Variants in HOXA4 observed in about 807,000 individuals in gnomAD.
HOXA4 encodes the protein homeobox A4.
A neutral mutation model predicts 25.3 loss-of-function variants in HOXA4; 31 were observed. The observed-to-expected ratio is 1.22, with a 90% CI of 0.92 to 1.65. HOXA4 has a LOEUF of 1.65. HOXA4 is among the 40% of genes most tolerant of loss of function. The probability of loss-of-function intolerance (pLI) is 0.00; values close to 1 mark genes in which losing one functional copy is unlikely to be tolerated. For synonymous variants in HOXA4, 225 were observed against 207.7 expected, an observed-to-expected ratio of 1.08 and a Z score of -0.72; for missense variants, 459 against 446.0, an observed-to-expected ratio of 1.03 and a Z score of -0.26.
At position 27,129,509 on chromosome 7, in the gene HOXA4, C is replaced by G. The variant is rs1210308049; in HGVS notation, c.679G>C (p.Val227Leu). Reference sequence around the variant, plus strand: ...TGGAACTCCTTCTCCAGCTCCAAGACCTGCTGCCGGGTGTAGGCGGTTCGA... The same window carrying G: ...TGGAACTCCTTCTCCAGCTCCAAGAGCTGCTGCCGGGTGTAGGCGGTTCGA... Reference protein sequence around the residue: ...RSRTAYTRQQVLELEKEFHFN... With the variant: ...RSRTAYTRQQLLELEKEFHFN... The change falls in exon 2 of 2, where the codon GTC becomes CTC. Residue 227 changes from valine to leucine, a missense_variant. Val to Leu is a conservative substitution (Grantham distance 32). Transcript: ENST00000360046. 6.2e-7 allele frequency: 1 copy of G among 1,614,016 alleles called. No individual in the cohort carries two copies. The highest frequency in any genetic ancestry group is 8.5e-7 in the Non-Finnish European group (1 of 1,180,020).
chr7:27,129,298 G>C lies in HOXA4; in HGVS notation c.890C>G (p.Ala297Gly), dbSNP rs1483746113. 2 of 1,614,028 alleles carry C rather than the reference G, an allele frequency of 1.2e-6. No individual in the cohort carries two copies. The highest frequency in any genetic ancestry group is 1.7e-6 in the Non-Finnish European group (2 of 1,180,030). ...ATGGAGGTGTGGGCTCTGAGTTTGT[G>C]CTTTCCCTGGTGGGCCGGCAGAGGC... Reference protein sequence around the residue: ...ASASAGPPGKAQTQSPHLHPH... With the variant: ...ASASAGPPGKGQTQSPHLHPH... The change falls in exon 2 of 2, where the codon GCA (alanine) becomes GGA (glycine). Residue 297 changes from alanine (A) to glycine (G), a missense_variant. Transcript: ENST00000360046.
At position 27,128,968 on chromosome 7, in the gene HOXA4, T is replaced by G. The variant is rs1303734105; in HGVS notation, c.*257A>C. On this transcript the variant is annotated 3_prime_UTR_variant, in exon 2 of 2. Transcript: ENST00000360046. The stretch of plus-strand genomic sequence containing the variant: ...GATACCAAGTAGTCCTTCTCAGGTA[T>G]CCACACCTGGCAGCCTTGTTTCGGG... 1 of 557,636 alleles carries G rather than the reference T, an allele frequency of 1.8e-6. No homozygotes were observed. Among genetic ancestry groups the G allele is most frequent in the East Asian group, 3.1e-5 (1 of 32,622 alleles). The allele number at this position is 557,636 out of a possible 1,614,324, so 34.5% of individuals were successfully genotyped here.
rs1465049093 is a variant in HOXA4, at chr7:27,129,689, A to G, written c.617-118T>C. 4.6e-6 allele frequency: 5 copies of G among 1,098,420 alleles called. No individual in the cohort carries two copies. The Admixed American group carries it at 1.0e-4, about 22-fold the overall frequency. 68.0% of individuals were successfully genotyped at this position (1,098,420 alleles called of 1,614,324 possible). Reference sequence around the variant, plus strand: ...CAATTGGACATCATCATTATATAATAACCTGACACCAAGTTCACGCAAGAT... The same window carrying G: ...CAATTGGACATCATCATTATATAATGACCTGACACCAAGTTCACGCAAGAT... On this transcript the variant is annotated intron_variant, in intron 1 of 1. Transcript: ENST00000360046.
At position 27,130,619 on chromosome 7, in the gene HOXA4, C is replaced by G. The variant is rs781430639; in HGVS notation, c.115G>C (p.Gly39Arg). Residue 39 changes from glycine (G) to arginine (R), a missense_variant, in exon 1 of 2, where the codon GGC becomes CGC. Gly to Arg is a moderately radical substitution (Grantham distance 125). Coordinates refer to ENST00000360046, the MANE Select transcript of HOXA4 (RefSeq NM_002141.5). ...GCTGGGGGCTGCTGGTAGCCGGGGC[C>G]CCCGCCCGGGCCGCCGTCTGCGCCG... ...SGGADGGPGG[G>R]PGYQQPPAPP... is the part of the protein sequence containing the mutation. 24 of 1,558,730 alleles carry G rather than the reference C, an allele frequency of 1.5e-5. No homozygotes were observed. The highest frequency in any genetic ancestry group is 2.1e-5 in the Non-Finnish European group (24 of 1,151,450).
Position 27,129,543 on chromosome 7 carries a change from A to T in HOXA4, c.645T>A (p.Pro215=), listed in dbSNP as rs758243042. 90 of 1,613,816 alleles carry T rather than the reference A, an allele frequency of 5.6e-5. No homozygotes were observed. Among genetic ancestry groups the T allele is most frequent in the Non-Finnish European group, 7.4e-5 (87 of 1,180,036 alleles). Reference sequence around the variant, plus strand: ...GGGTGTAGGCGGTTCGAGAGCGCTTAGGCTCCCCTCCGTTATAACTGGGGT... The same window carrying T: ...GGGTGTAGGCGGTTCGAGAGCGCTTTGGCTCCCCTCCGTTATAACTGGGGT... ...AVNPSYNGGE[P]KRSRTAYTRQ... Residue 215 remains proline (P), a synonymous_variant, in exon 2 of 2, where the codon CCT becomes CCA. Coordinates refer to ENST00000360046, the MANE Select transcript of HOXA4 (RefSeq NM_002141.5).
Position 27,130,191 on chromosome 7 carries a change from G to A in HOXA4, c.543C>T (p.Asp181=). The part of the protein sequence containing the change: ...SAPACPLLLA[D]KSPLGLKGKE... Reference sequence around the variant, plus strand: ...TGCCCTTCAGGCCCAGCGGGCTCTTGTCGGCCAAGAGCAGCGGGCACGCGG... The same window carrying A: ...TGCCCTTCAGGCCCAGCGGGCTCTTATCGGCCAAGAGCAGCGGGCACGCGG... The change falls in exon 1 of 2, where the codon GAC becomes GAT. Residue 181 remains aspartate (D), a synonymous_variant. Transcript: ENST00000360046. 1.3e-6 allele frequency: 2 copies of A among 1,583,280 alleles called. No individual in the cohort carries two copies. Among genetic ancestry groups the A allele is most frequent in the Non-Finnish European group, 1.7e-6 (2 of 1,170,062 alleles).
intron 1 of HOXA4, 54 bp downstream of exon 1, chr7:27,130,064 A>C (rs1785456176): frequency 6.5e-7 from 1 of 1,532,778 alleles, no homozygotes; most frequent in Non-Finnish European, 8.8e-7. Flanking sequence ...CCGACCCTCG[A>C]ACCCAGGCCC....
intron 1 of HOXA4, 83 bp downstream of exon 1, chr7:27,130,035 G>A (rs1785455059): frequency 1.4e-6 from 2 of 1,457,398 alleles, no homozygotes; most frequent in Middle Eastern, 1.8e-4. Context: ...CCCTTCCCCT[G>A]AGCCTCTCCC....
At position 27,129,489 on chromosome 7, in the gene HOXA4, C is replaced by T; in HGVS notation, c.699G>A (p.Glu233=). ...GGGTCAGGTATCGATTGAAGTGGAACTCCTTCTCCAGCTCCAAGACCTGCT... is the reference window on the plus strand; with the variant it reads ...GGGTCAGGTATCGATTGAAGTGGAATTCCTTCTCCAGCTCCAAGACCTGCT... ...TRQQVLELEK[E]FHFNRYLTRR... Residue 233 remains glutamate, a synonymous_variant, in exon 2 of 2, where the codon GAG becomes GAA. Coordinates refer to ENST00000360046, the MANE Select transcript of HOXA4 (RefSeq NM_002141.5). 1 of 1,614,180 alleles carries T rather than the reference C, an allele frequency of 6.2e-7. No individual in the cohort carries two copies. The highest frequency in any genetic ancestry group is 1.1e-5 in the South Asian group (1 of 91,082).
chr7:27,129,436 G>A lies in HOXA4; in HGVS notation c.752C>T (p.Thr251Met), dbSNP rs755660182. 6.2e-6 allele frequency: 10 copies of A among 1,614,120 alleles called. No homozygotes were observed. Among genetic ancestry groups the A allele is most frequent in the African/African-American group, 1.3e-5 (1 of 74,942 alleles). Residue 251 changes from threonine to methionine, a missense_variant, in exon 2 of 2, where the codon ACG becomes ATG. Coordinates refer to ENST00000360046, the MANE Select transcript of HOXA4 (RefSeq NM_002141.5). ...TRRRRIEIAH[T>M]LCLSERQVKI... ...GACCTGGCGCTCAGACAAACAGAGC[G>A]TGTGGGCGATCTCGATGCGGCGCCG...
rs772559605 is a variant in HOXA4 at position 27,130,157 on chromosome 7, C to G, written c.577G>C (p.Val193Leu). 3 of 1,602,456 alleles carry G rather than the reference C, an allele frequency of 1.9e-6. No homozygotes were observed. Among genetic ancestry groups the G allele is most frequent in the Non-Finnish European group, 2.5e-6 (3 of 1,177,648 alleles). ...ATCTTCTTCATCCAGGGGTACACCA[C>G]GGGCTCCTTGCCCTTCAGGCCCAGC... ...SPLGLKGKEP[V>L]VYPWMKKIHV... is the part of the protein sequence containing the mutation. The change falls in exon 1 of 2, where the codon GTG becomes CTG. Residue 193 changes from valine (V) to leucine (L), a missense_variant. Physicochemically the swap from Val to Leu is conservative, Grantham distance 32. Coordinates refer to ENST00000360046, the MANE Select transcript of HOXA4 (RefSeq NM_002141.5).
Position 27,130,435 on chromosome 7 carries a change from T to C in HOXA4, c.299A>G (p.Tyr100Cys), listed in dbSNP as rs1785488024. Reference sequence around the variant, plus strand: ...GGCGCCGCCGCGGTAGCCATAGGGGTAGGCGGTGTCCGCGGCCCCATGCGC... The same window carrying C: ...GGCGCCGCCGCGGTAGCCATAGGGGCAGGCGGTGTCCGCGGCCCCATGCGC... ...YPAHGAADTA[Y>C]PYGYRGGASP... Residue 100 changes from tyrosine to cysteine, a missense_variant, in exon 1 of 2, where the codon TAC becomes TGC. Physicochemically the swap from Tyr to Cys is radical, Grantham distance 194. Coordinates refer to ENST00000360046, the MANE Select transcript of HOXA4 (RefSeq NM_002141.5). The C allele has an allele frequency of 3.3e-6, 4 of 1,200,986 alleles. No individual in the cohort carries two copies. The highest frequency in any genetic ancestry group is 3.1e-6 in the Non-Finnish European group (3 of 970,214). 74.4% of individuals were successfully genotyped at this position (1,200,986 alleles called of 1,614,324 possible).
rs773957594 is a variant in HOXA4 at position 27,130,487 on chromosome 7, C to T, written c.247G>A (p.Ala83Thr). 11 of 1,274,500 alleles carry T rather than the reference C, an allele frequency of 8.6e-6. No individual in the cohort carries two copies. The highest frequency in any genetic ancestry group is 8.0e-5 in the Admixed American group (2 of 25,018). The allele number at this position is 1,274,500 out of a possible 1,614,324, so 78.9% of individuals were successfully genotyped here. The change falls in exon 1 of 2, where the codon GCC becomes ACC. Residue 83 changes from alanine (A) to threonine (T), a missense_variant. Ala to Thr is a moderately conservative substitution (Grantham distance 58, BLOSUM62 0). Coordinates refer to ENST00000360046, the MANE Select transcript of HOXA4 (RefSeq NM_002141.5). ...GGGTACAGCGCGGCAGCAGGGTAGG[C>T]GGGCTCGCGGGCGGTCCGCGGCGCG... The part of the protein sequence containing the change: ...YYAPRTAREP[A>T]YPAAALYPAH...
rs780487194 is a variant in HOXA4 at position 27,130,114 on chromosome 7, G to A, written c.616+4C>T. 4 of 1,596,070 alleles carry A rather than the reference G, an allele frequency of 2.5e-6. No homozygotes were observed. The highest frequency in any genetic ancestry group is 1.1e-5 in the South Asian group (1 of 89,452). On this transcript the variant is annotated splice_donor_region_variant and intron_variant, in intron 1 of 1. Coordinates refer to ENST00000360046, the MANE Select transcript of HOXA4 (RefSeq NM_002141.5). ...TCCCGCGCCTCCCAAGCGGCGCCAC[G>A]TACCGGCGCTGACATGGATCTTCTT...
chr7:27,128,766 T>C lies in HOXA4; in HGVS notation c.*459A>G, dbSNP rs1785388775. On this transcript the variant is annotated 3_prime_UTR_variant, in exon 2 of 2. Transcript: ENST00000360046. ...AAATAATCTTGTGAGGTCCACAATG[T>C]CTACTCATTTATTCAGTTAAATACA... 2 of 191,326 alleles carry C rather than the reference T, an allele frequency of 1.0e-5. No homozygotes were observed. Among genetic ancestry groups the C allele is most frequent in the Non-Finnish European group, 2.2e-5 (2 of 90,372 alleles). The allele number at this position is 191,326 out of a possible 1,614,324, so 11.9% of individuals were successfully genotyped here. A position where few individuals can be genotyped will look rare whatever the true frequency, so the allele number is the denominator to read the frequency against.
Position 27,130,304 on chromosome 7 carries a change from G to A in HOXA4, c.430C>T (p.Leu144=), listed in dbSNP as rs989792732. Residue 144 remains leucine (L), a synonymous_variant, in exon 1 of 2, where the codon CTG becomes TTG. Transcript: ENST00000360046. ...HVLQPQLPPP[L]QPRAVPPAAP... ...GCTGGGGGCACGGCGCGAGGCTGCA[G>A]GGGCGGCGGCAGCTGGGGCTGCAGG... 32 of 1,086,154 alleles carry A rather than the reference G, an allele frequency of 2.9e-5. 1 individual carries two copies. The African/African-American group carries it at 5.1e-4, about 17-fold the overall frequency. The allele number at this position is 1,086,154 out of a possible 1,614,324, so 67.3% of individuals were successfully genotyped here. A position where few individuals can be genotyped will look rare whatever the true frequency, so the allele number is the denominator to read the frequency against.
In HOXA4 at chr7:27,129,325, G is replaced by A. The variant is rs779800253; in HGVS notation, c.863C>T (p.Ser288Leu). 1.2e-5 allele frequency: 20 copies of A among 1,614,064 alleles called. No individual in the cohort carries two copies. The highest frequency in any genetic ancestry group is 1.6e-5 in the Non-Finnish European group (19 of 1,180,054). Residue 288 changes from serine to leucine, a missense_variant, in exon 2 of 2, where the codon TCG becomes TTG. Ser to Leu is a moderately radical substitution (Grantham distance 145). Coordinates refer to ENST00000360046, the MANE Select transcript of HOXA4 (RefSeq NM_002141.5). ...NTKMRSSNSASASAGPPGKAQ... is the reference protein window; with the variant it reads ...NTKMRSSNSALASAGPPGKAQ... Reference sequence around the variant, plus strand: ...TTTCCCTGGTGGGCCGGCAGAGGCCGAGGCCGAATTGGAGGATCGCATCTT... The same window carrying A: ...TTTCCCTGGTGGGCCGGCAGAGGCCAAGGCCGAATTGGAGGATCGCATCTT...
intron 1 of HOXA4, among the ~76,000 whole-genome samples, 196 bp from the exon 2 acceptor site, chr7:27,129,767 C>T (rs1323147608): frequency 1.3e-5 from 2 of 152,172 alleles, no homozygotes; most frequent in African/African-American, 4.8e-5. Flanking sequence ...GGGAAACACC[C>T]GAGAGCCATA....
chr7:27,130,454 C>CA lies in HOXA4; in HGVS notation c.279dup (p.Gly94TrpfsTer114). 1 of 1,224,582 alleles carries CA rather than the reference C, an allele frequency of 8.2e-7. No individual in the cohort carries two copies. The highest frequency in any genetic ancestry group is 4.3e-5 in the Admixed American group (1 of 23,062). 75.9% of individuals were successfully genotyped at this position (1,224,582 alleles called of 1,614,324 possible). A position where few individuals can be genotyped will look rare whatever the true frequency, so the allele number is the denominator to read the frequency against. On this transcript the variant is annotated frameshift_variant, in exon 1 of 2. Coordinates refer to ENST00000360046, the MANE Select transcript of HOXA4 (RefSeq NM_002141.5). LOFTEE classifies it high-confidence loss of function. Reference sequence around the variant, plus strand: ...TAGGGGTAGGCGGTGTCCGCGGCCCCATGCGCGGGGTACAGCGCGGCAGCA... The same window carrying CA: ...TAGGGGTAGGCGGTGTCCGCGGCCCCAATGCGCGGGGTACAGCGCGGCAGCA...
Sources: gnomAD v4.1 joint callset for allele counts (sites outside exome capture counted in the v4.1 genomes callset) on GRCh38, gnomAD v4.1.1 for gene constraint, MANE v1.5 for transcripts, NCBI Gene and HGNC (gene_info 2026-07-23, HGNC 2026-07-21) for gene names.